Variants in NANOG observed in about 807,000 individuals in gnomAD.
NANOG encodes homeobox protein NANOG.
A neutral mutation model predicts 17.7 loss-of-function variants in NANOG; 2 were observed. That is an observed-to-expected ratio of 0.11 (90% CI 0.05 to 0.36). The LOEUF (loss-of-function observed/expected upper bound fraction) is 0.36, where lower values mean the gene tolerates loss of function less well. Among genes scored for constraint, NANOG ranks in the 10% least tolerant of loss-of-function variants. The pLI is 1.00. For missense variants in NANOG, 174 were observed against 362.1 expected (o/e 0.48, Z 4.22); for synonymous variants, 81 against 124.7 (o/e 0.65, Z 2.33).
chr12:7,792,670 T>A (rs866093026), intron 1 of NANOG, among the ~76,000 whole-genome samples: 4 of 151,362 alleles, frequency 2.6e-5, no homozygotes, highest in Middle Eastern at 3.4e-3. Flanking sequence ...ATCCTAATTT[T>A]AAAAAAAAGG....
intron 2 of NANOG, among the ~76,000 whole-genome samples, chr12:7,794,088 T>A (rs1815189821): frequency 6.6e-6 from 1 of 152,154 alleles, no homozygotes; most frequent in African/African-American, 2.4e-5. Flanking sequence ...CTCTCTTTTT[T>A]TCTGAGACAG....
intron 1 of NANOG, among the ~76,000 whole-genome samples, chr12:7,791,679 A>T (rs1158311519): frequency 6.6e-6 from 1 of 152,182 alleles, no homozygotes; most frequent in African/African-American, 2.4e-5. Context: ...TATATAAGTG[A>T]TGACTAAATC....
intron 2 of NANOG, 54 bp from the exon 3 acceptor site, chr12:7,794,403 C>T: frequency 2.0e-6 from 3 of 1,481,100 alleles, no homozygotes; most frequent in South Asian, 1.2e-5. Flanking sequence ...TACTTTGATT[C>T]AAAGTACCTC....
Position 7,795,158 on chromosome 12 carries a change from C to T in NANOG, c.*63C>T. 1 of 1,565,100 alleles carries T rather than the reference C, an allele frequency of 6.4e-7. No homozygotes were observed. The highest frequency in any genetic ancestry group is 8.7e-7 in the Non-Finnish European group (1 of 1,151,538). On this transcript the variant is annotated 3_prime_UTR_variant, in exon 4 of 4. Transcript: ENST00000229307. ...ACACTGGCTGAATCCTTCCTCTCCC[C>T]TCCTCCCATCCCTCATAGGATTTTT...
rs754710619 is a variant in NANOG, at chr12:7,797,711, T to C, written c.*2616T>C. The C allele has an allele frequency of 3.9e-5, 6 of 151,916 alleles. No homozygotes were observed. The South Asian group carries it at 1.0e-3, about 26-fold the overall frequency. 9.4% of individuals were successfully genotyped at this position (151,916 alleles called of 1,614,324 possible). ...TTCTGCTGCTCAGACTGGGGCTTAG[T>C]GGCACCATTTCACCTCACTGTAGCC... On this transcript the variant is annotated 3_prime_UTR_variant, in exon 4 of 4. Coordinates refer to ENST00000229307, the MANE Select transcript of NANOG (RefSeq NM_024865.4).
chr12:7,797,411 A>C lies in NANOG; in HGVS notation c.*2316A>C, dbSNP rs1333588812. The C allele has an allele frequency of 2.8e-5, 4 of 145,390 alleles. No individual in the cohort carries two copies. Among genetic ancestry groups the C allele is most frequent in the Admixed American group, 7.2e-5 (1 of 13,976 alleles). The allele number at this position is 145,390 out of a possible 1,614,324, so 9.0% of individuals were successfully genotyped here. ...TCACTTTTGTTACTCAGGCTGGAGC[A>C]CAATGATGCAATCTCTACTCACTGC... On this transcript the variant is annotated 3_prime_UTR_variant, in exon 4 of 4. Coordinates refer to ENST00000229307, the MANE Select transcript of NANOG (RefSeq NM_024865.4).
At chr12:7,794,368 T>C in intron 2 of NANOG, 89 bp from the exon 3 acceptor site, 1 of 1,243,126 alleles carries the variant, frequency 8.0e-7, no homozygotes, top group Non-Finnish European at 1.1e-6. Flanking sequence ...ATATGGCACC[T>C]GGCCAGGAAT....
rs369876781 is a variant in NANOG at position 7,796,146 on chromosome 12, G to C, written c.*1051G>C. 6.6e-6 allele frequency: 1 copy of C among 152,150 alleles called. No individual in the cohort carries two copies. The highest frequency in any genetic ancestry group is 1.5e-5 in the Non-Finnish European group (1 of 68,032). The allele number at this position is 152,150 out of a possible 1,614,324, so 9.4% of individuals were successfully genotyped here. ...TAGAAATGCATAGAAATAGCTGAGC[G>C]TGGTGGCCTATGCCTGTAGTCCCAG... On this transcript the variant is annotated 3_prime_UTR_variant, in exon 4 of 4. Coordinates refer to ENST00000229307, the MANE Select transcript of NANOG (RefSeq NM_024865.4).
rs115409801 is a variant in NANOG, at chr12:7,790,068, G to A, written c.151+303G>A. Among the ~76,000 whole-genome samples, 160 of 152,060 alleles carry A rather than the reference G, an allele frequency of 1.1e-3. 1 individual carries two copies. Among genetic ancestry groups the A allele is most frequent in the African/African-American group, 3.7e-3 (154 of 41,502 alleles). The stretch of plus-strand genomic sequence containing the variant: ...GGCATGGTGGAAACAAAAATGTATC[G>A]TTATAGTTAAATGAAGGTGATGTGT... On this transcript the variant is annotated intron_variant, in intron 1 of 3. Transcript: ENST00000229307.
chr12:7,794,309 G>A, intron 2 of NANOG, 148 bp from the exon 3 acceptor site: 1 of 692,692 alleles, frequency 1.4e-6, no homozygotes, highest in Non-Finnish European at 2.4e-6. Flanking sequence ...CTGGGCTCAA[G>A]CAATCTGCCC....
At chr12:7,792,849 T>A (rs1862860538) in intron 1 of NANOG, 101 bp from the exon 2 acceptor site, 1 of 1,230,628 alleles carries the variant, frequency 8.1e-7, no homozygotes, top group Non-Finnish European at 1.1e-6. Context: ...AGATCTGGGG[T>A]TCTGGGAATT....
Position 7,796,264 on chromosome 12 carries a change from G to C in NANOG, c.*1169G>C, listed in dbSNP as rs989832949. 2 of 151,822 alleles carry C rather than the reference G, an allele frequency of 1.3e-5. No individual in the cohort carries two copies. The highest frequency in any genetic ancestry group is 4.8e-5 in the African/African-American group (2 of 41,324). 9.4% of individuals were successfully genotyped at this position (151,822 alleles called of 1,614,324 possible). ...CACACCACTGCACTCCAGCTTGGGC[G>C]ACAAGAGCAAAACTCCCATCTCAAA... On this transcript the variant is annotated 3_prime_UTR_variant, in exon 4 of 4. Coordinates refer to ENST00000229307, the MANE Select transcript of NANOG (RefSeq NM_024865.4).
chr12:7,790,497 TGCA>T (rs1323152652), intron 1 of NANOG, among the ~76,000 whole-genome samples: 2 of 152,278 alleles, frequency 1.3e-5, no homozygotes, highest in East Asian at 3.9e-4. Flanking sequence ...GACTGGTAGC[TGCA>T]AGGGGTGGGG....
At position 7,794,979 on chromosome 12, in the gene NANOG, G is replaced by A. The variant is rs201280008; in HGVS notation, c.802G>A (p.Glu268Lys). ...SPASDLEAAL[E>K]AAGEGLNVIQ... is the part of the protein sequence containing the mutation. ...TGCCAGTGACTTGGAGGCTGCCTTG[G>A]AAGCTGCTGGGGAAGGCCTTAATGT... Residue 268 changes from glutamate (E) to lysine (K), a missense_variant, in exon 4 of 4, where the codon GAA becomes AAA. This residue lies in a region of NANOG where 16 missense variants were observed against 117.9 expected (regional missense o/e 0.14). Coordinates refer to ENST00000229307, the MANE Select transcript of NANOG (RefSeq NM_024865.4). 1.5e-4 allele frequency: 185 copies of A among 1,274,162 alleles called. 1 individual carries two copies. In the South Asian group the frequency reaches 2.1e-3, roughly 15 times the overall value. 78.9% of individuals were successfully genotyped at this position (1,274,162 alleles called of 1,614,324 possible).
At chr12:7,792,356 A>G (rs542051017) in intron 1 of NANOG, among the ~76,000 whole-genome samples, 13 of 152,174 alleles carry the variant, frequency 8.5e-5, no homozygotes, top group Non-Finnish European at 1.9e-4. Flanking sequence ...GCTTTTGAGC[A>G]TCAGTTTAAA....
Position 7,794,498 on chromosome 12 carries a change from G to A in NANOG, c.456G>A (p.Arg152=). ...WFQNQRMKSK[R]WQKNNWPKNS... Reference sequence around the variant, plus strand: ...AGAACCAGAGAATGAAATCTAAGAGGTGGCAGAAAAACAACTGGCCGAAGA... The same window carrying A: ...AGAACCAGAGAATGAAATCTAAGAGATGGCAGAAAAACAACTGGCCGAAGA... The change falls in exon 3 of 4, where the codon AGG becomes AGA. Residue 152 remains arginine, a synonymous_variant. Coordinates refer to ENST00000229307, the MANE Select transcript of NANOG (RefSeq NM_024865.4). The A allele has an allele frequency of 6.2e-7, 1 of 1,613,552 alleles. No homozygotes were observed. The highest frequency in any genetic ancestry group is 8.5e-7 in the Non-Finnish European group (1 of 1,179,752).
At chr12:7,794,280 G>T (rs1422053770) in intron 2 of NANOG, among the ~76,000 whole-genome samples, 177 bp from the exon 3 acceptor site, 2 of 152,076 alleles carry the variant, frequency 1.3e-5, no homozygotes, top group African/African-American at 2.4e-5. Context: ...CCTCATGTTG[G>T]CTAGCCTGTA....
chr12:7,792,971 T>C lies in NANOG; in HGVS notation c.173T>C (p.Met58Thr). The C allele has an allele frequency of 6.2e-7, 1 of 1,606,948 alleles. No homozygotes were observed. Among genetic ancestry groups the C allele is most frequent in the South Asian group, 1.1e-5 (1 of 90,220 alleles). ...ACAGTCTCTCCTCTTCCTTCCTCCA[T>C]GGATCTGCTTATTCAGGACAGCCCT... ...TETVSPLPSS[M>T]DLLIQDSPDS... is the part of the protein sequence containing the mutation. Residue 58 changes from methionine to threonine, a missense_variant, in exon 2 of 4, where the codon ATG becomes ACG. Physicochemically the swap from Met to Thr is moderately conservative, Grantham distance 81. This residue lies in a region of NANOG where 158 missense variants were observed against 244.2 expected (regional missense o/e 0.65). Coordinates refer to ENST00000229307, the MANE Select transcript of NANOG (RefSeq NM_024865.4).
Position 7,793,034 on chromosome 12 carries a change from C to G in NANOG, c.236C>G (p.Ser79Cys). Residue 79 changes from serine to cysteine, a missense_variant, in exon 2 of 4, where the codon TCT becomes TGT. Physicochemically the swap from Ser to Cys is moderately radical, Grantham distance 112 (BLOSUM62 -1). Coordinates refer to ENST00000229307, the MANE Select transcript of NANOG (RefSeq NM_024865.4). Reference sequence around the variant, plus strand: ...AGTCCCAAAGGCAAACAACCCACTTCTGCAGAGAAGAGTGTCGCAAAAAAG... The same window carrying G: ...AGTCCCAAAGGCAAACAACCCACTTGTGCAGAGAAGAGTGTCGCAAAAAAG... ...STSPKGKQPT[S>C]AEKSVAKKED... 1.9e-6 allele frequency: 3 copies of G among 1,609,500 alleles called. No individual in the cohort carries two copies. In the South Asian group the frequency reaches 3.3e-5, roughly 18 times the overall value.
Sources: gnomAD v4.1 joint callset for allele counts (sites outside exome capture counted in the v4.1 genomes callset) on GRCh38, gnomAD v4.1.1 for gene constraint, gnomAD v4.1.1 regional missense constraint, MANE v1.5 for transcripts, NCBI Gene and HGNC (gene_info 2026-07-23, HGNC 2026-07-21) for gene names.